RELCH: variants seen among roughly 807,000 people sequenced by gnomAD.
RELCH encodes RAB11-binding protein RELCH.
RELCH carries 41 observed loss-of-function variants against 150.3 expected under a neutral mutation model. The observed-to-expected ratio is 0.27, with a 90% CI of 0.21 to 0.35. RELCH has a LOEUF of 0.35. RELCH is among the 10% of genes least tolerant of loss of function. The pLI, the probability that RELCH is intolerant of heterozygous loss-of-function variation, is 1.00. For synonymous variants in RELCH, 478 were observed against 531.8 expected (o/e 0.90, Z 1.39); for missense variants, 1,092 against 1,467.8 (o/e 0.74, Z 4.18).
chr18:62,252,162 A>ATTT (rs138202096), intron 11 of RELCH, among the ~76,000 whole-genome samples: 1 of 133,930 alleles, frequency 7.5e-6, no homozygotes. Flanking sequence ...CGCCCGGCTA[A>ATTT]TTTTTTTTTT....
chr18:62,206,937 A>C (rs2039834018), intron 1 of RELCH, among the ~76,000 whole-genome samples: 1 of 152,050 alleles, frequency 6.6e-6, no homozygotes, highest in Admixed American at 6.6e-5. Flanking sequence ...GGGTCTTGCT[A>C]TGTTGCCCAC....
At chr18:62,277,204 C>G (rs147559138) in intron 22 of RELCH, among the ~76,000 whole-genome samples, 1 of 151,932 alleles carries the variant, frequency 6.6e-6, no homozygotes, top group Non-Finnish European at 1.5e-5. Context: ...CCTTATTATA[C>G]GTGGCTTATG....
chr18:62,273,741 A>G (rs969748683), intron 20 of RELCH, among the ~76,000 whole-genome samples: 35 of 152,198 alleles, frequency 2.3e-4, no homozygotes, highest in African/African-American at 8.2e-4. Context: ...AAGTAGCCAC[A>G]TGTGGCTAGT....
At chr18:62,246,427 G>A (rs1288854113) in intron 11 of RELCH, 1 of 152,100 alleles carries the variant, frequency 6.6e-6, no homozygotes, top group Non-Finnish European at 1.5e-5. Context: ...TTGAGAGAGA[G>A]AACTTCTGGT....
chr18:62,220,237 C>A (rs1442031513), intron 2 of RELCH, among the ~76,000 whole-genome samples: 3 of 151,918 alleles, frequency 2.0e-5, no homozygotes, highest in Non-Finnish European at 4.4e-5. Context: ...TACTCAGTAT[C>A]CTTAGAAAAC....
intron 1 of RELCH, among the ~76,000 whole-genome samples, chr18:62,199,570 T>C (rs2039286350): frequency 6.6e-6 from 1 of 152,224 alleles, no homozygotes; most frequent in African/African-American, 2.4e-5. Flanking sequence ...TTCCTAAACA[T>C]TTATAAGTTG....
intron 1 of RELCH, among the ~76,000 whole-genome samples, chr18:62,196,897 T>A (rs2039086460): frequency 6.6e-6 from 1 of 152,232 alleles, no homozygotes; most frequent in South Asian, 2.1e-4. Context: ...AGATAATGTT[T>A]ACAGAATATA....
chr18:62,288,919 G>A (rs1218079042), intron 26 of RELCH, among the ~76,000 whole-genome samples: 1 of 152,122 alleles, frequency 6.6e-6, no homozygotes, highest in African/African-American at 2.4e-5. Flanking sequence ...AAACATTGGT[G>A]TGTTTAATTG....
intron 26 of RELCH, among the ~76,000 whole-genome samples, chr18:62,289,730 T>G (rs1026654101): frequency 6.6e-6 from 1 of 152,248 alleles, no homozygotes; most frequent in Non-Finnish European, 1.5e-5. Flanking sequence ...CATTCACCAG[T>G]GAGGTAAAGG....
chr18:62,201,322 A>G (rs1379344101), intron 1 of RELCH, among the ~76,000 whole-genome samples: 1 of 151,872 alleles, frequency 6.6e-6, no homozygotes, highest in Non-Finnish European at 1.5e-5. Context: ...TTTAAATAGA[A>G]TTACTTTTAA....
intron 26 of RELCH, among the ~76,000 whole-genome samples, chr18:62,288,928 T>G (rs933974423): frequency 6.6e-6 from 1 of 152,150 alleles, no homozygotes; most frequent in African/African-American, 2.4e-5. Flanking sequence ...TGTGTTTAAT[T>G]GGACTTTGTG....
intron 22 of RELCH, among the ~76,000 whole-genome samples, chr18:62,278,955 A>G (rs899942179): frequency 6.6e-6 from 1 of 152,188 alleles, no homozygotes; most frequent in Admixed American, 6.5e-5. Flanking sequence ...ATTACAAATC[A>G]TATATTCTTG....
At chr18:62,243,060 A>G (rs1248149008) in intron 10 of RELCH, among the ~76,000 whole-genome samples, 1 of 152,132 alleles carries the variant, frequency 6.6e-6, no homozygotes, top group East Asian at 1.9e-4. Context: ...GCATTAGAAT[A>G]GCTTCTCACT....
Position 62,308,078 on chromosome 18 carries a change from T to C in RELCH, c.*2544T>C, listed in dbSNP as rs2045926149. 2 of 152,220 alleles carry C rather than the reference T, an allele frequency of 1.3e-5. No individual in the cohort carries two copies. Among genetic ancestry groups the C allele is most frequent in the African/African-American group, 4.8e-5 (2 of 41,468 alleles). The allele number at this position is 152,220 out of a possible 1,614,324, so 9.4% of individuals were successfully genotyped here. On this transcript the variant is annotated 3_prime_UTR_variant, in exon 29 of 29. Transcript: ENST00000644646. ...TCACTACTATAGGATATGTCACTAC[T>C]ATACACTATAATTCTAATGGGGGTC...
chr18:62,221,355 T>G (rs74462707), intron 4 of RELCH, 29 bp from the exon 5 acceptor site: 124,280 of 1,546,048 alleles, frequency 0.08, 5,778 homozygotes, highest in Middle Eastern at 0.18. Flanking sequence ...TACTTATGAT[T>G]TCCTGTTTGC....
At chr18:62,216,382 T>G (rs2040478407) in intron 2 of RELCH, among the ~76,000 whole-genome samples, 1 of 152,154 alleles carries the variant, frequency 6.6e-6, no homozygotes. Context: ...TGTTTCAGGT[T>G]CACAAGATCC....
chr18:62,240,460 G>A (rs1252821273), intron 10 of RELCH, among the ~76,000 whole-genome samples: 1 of 145,596 alleles, frequency 6.9e-6, no homozygotes, highest in East Asian at 2.0e-4. Context: ...CCAGGCTGGA[G>A]TACAGTGGCA....
intron 12 of RELCH, among the ~76,000 whole-genome samples, chr18:62,255,032 C>A (rs1237276280): frequency 3.3e-5 from 5 of 152,020 alleles, no homozygotes; most frequent in African/African-American, 1.2e-4. Context: ...TATTATAGAC[C>A]GTATCTATAA....
chr18:62,238,117 A>G (rs1056266529), intron 10 of RELCH, among the ~76,000 whole-genome samples: 3 of 151,948 alleles, frequency 2.0e-5, no homozygotes, highest in Non-Finnish European at 2.9e-5. Flanking sequence ...TTTCAAAGAT[A>G]CTAAAAAGTT....
Sources: gnomAD v4.1 joint callset for allele counts (sites outside exome capture counted in the v4.1 genomes callset) on GRCh38, gnomAD v4.1.1 for gene constraint, MANE v1.5 for transcripts, NCBI Gene and HGNC (gene_info 2026-07-23, HGNC 2026-07-21) for gene names.